TMEM135: variants seen among roughly 807,000 people sequenced by gnomAD.
TMEM135 encodes peroxisomal membrane protein 52.
A neutral mutation model predicts 60.3 loss-of-function variants in TMEM135; 30 were observed. The ratio of observed to expected loss-of-function variants is 0.50; its 90% CI spans 0.37 to 0.68. TMEM135 has a LOEUF of 0.68. Among genes scored for constraint, TMEM135 ranks in the 30% least tolerant of loss-of-function variants. TMEM135 has a pLI of 0.00. For synonymous variants in TMEM135, 190 were observed against 186.7 expected, an observed-to-expected ratio of 1.02 and a Z score of -0.14; for missense variants, 468 against 548.8, an observed-to-expected ratio of 0.85 and a Z score of 1.47.
intron 6 of TMEM135, among the ~76,000 whole-genome samples, chr11:87,281,169 C>T (rs1942053568): frequency 1.3e-5 from 2 of 152,082 alleles, no homozygotes; most frequent in African/African-American, 4.8e-5. Context: ...GTAAAATAAA[C>T]AAATTTCTTT....
intron 4 of TMEM135, among the ~76,000 whole-genome samples, chr11:87,122,437 A>ATTTTTATTTATTTATTTATTTATTTATT (rs765586434): frequency 1.1e-3 from 161 of 144,946 alleles, no homozygotes; most frequent in East Asian, 2.8e-3. Flanking sequence ...TTTAGTTTTT[A>ATTTTTATTTATTTATTTATTTATTTATT]TATTTATTTA....
At chr11:87,199,175 C>T (rs1940037035) in intron 5 of TMEM135, among the ~76,000 whole-genome samples, 1 of 152,162 alleles carries the variant, frequency 6.6e-6, no homozygotes, top group African/African-American at 2.4e-5. Flanking sequence ...GCCTGGCCAA[C>T]ATGGTGAAAC....
intron 4 of TMEM135, among the ~76,000 whole-genome samples, chr11:87,155,389 T>G (rs959214491): frequency 1.3e-5 from 2 of 152,266 alleles, no homozygotes; most frequent in African/African-American, 4.8e-5. Context: ...TTATGTTTTC[T>G]TTTAAGATTT....
intron 5 of TMEM135, among the ~76,000 whole-genome samples, chr11:87,231,251 A>G (rs991534383): frequency 6.6e-6 from 1 of 152,136 alleles, no homozygotes; most frequent in African/African-American, 2.4e-5. Context: ...ATTACTGAGT[A>G]GGGCTTACAT....
At chr11:87,317,894 C>T (rs1349999260) in intron 12 of TMEM135, among the ~76,000 whole-genome samples, 5 of 152,008 alleles carry the variant, frequency 3.3e-5, no homozygotes, top group Non-Finnish European at 5.9e-5. Flanking sequence ...ATTTAAAAAG[C>T]AGAAATAAAA....
intron 4 of TMEM135, among the ~76,000 whole-genome samples, chr11:87,115,119 T>C (rs575993571): frequency 3.2e-4 from 49 of 152,300 alleles, no homozygotes; most frequent in African/African-American, 1.1e-3. Context: ...GTATAATGTA[T>C]AGTGTAGATT....
chr11:87,171,320 G>T (rs1326984057), intron 5 of TMEM135, among the ~76,000 whole-genome samples: 3 of 147,060 alleles, frequency 2.0e-5, no homozygotes, highest in Non-Finnish European at 3.0e-5. Context: ...AGGTATTTCA[G>T]GTTCAAGACA....
At chr11:87,099,426 G>A (rs751232980) in intron 4 of TMEM135, among the ~76,000 whole-genome samples, 10 of 151,816 alleles carry the variant, frequency 6.6e-5, no homozygotes, top group South Asian at 2.1e-4. Flanking sequence ...GTAGCATATC[G>A]CAAAACTATA....
chr11:87,192,934 G>A (rs1019642478), intron 5 of TMEM135, among the ~76,000 whole-genome samples: 1 of 152,046 alleles, frequency 6.6e-6, no homozygotes, highest in African/African-American at 2.4e-5. Flanking sequence ...GGCCAACATG[G>A]GAAAACCCCG....
rs200502820 is a variant in TMEM135, at chr11:87,321,092, C to A, written c.1245-109C>A. On this transcript the variant is annotated intron_variant, in intron 14 of 14. Coordinates refer to ENST00000305494, the MANE Select transcript of TMEM135 (RefSeq NM_022918.4). ...GCCATTGAATTTAGATCCTTTGCCA[C>A]GTTAGCCTTTTCTGTTTTCCCATCC... 2.3e-5 allele frequency: 23 copies of A among 991,556 alleles called. No homozygotes were observed. In the East Asian group the frequency reaches 5.6e-4, roughly 24 times the overall value. 61.4% of individuals were successfully genotyped at this position (991,556 alleles called of 1,614,324 possible).
intron 5 of TMEM135, among the ~76,000 whole-genome samples, chr11:87,181,738 A>G (rs1939520075): frequency 6.6e-6 from 1 of 152,138 alleles, no homozygotes; most frequent in Admixed American, 6.5e-5. Flanking sequence ...TTTTATTGTA[A>G]TTAAAATATT....
At chr11:87,045,015 G>C (rs111809154) in intron 1 of TMEM135, among the ~76,000 whole-genome samples, 23,309 of 151,596 alleles carry the variant, frequency 0.15, 1,915 homozygotes, top group Non-Finnish European at 0.17. Flanking sequence ...GACGTTTTGA[G>C]TTTGTTGAAG....
rs527788379 is a variant in TMEM135, at chr11:87,247,207, C to G, written c.509+10523C>G. ...TGAATGCTGATGTCTGATCGTTCCTCTGGAAGTTTTGTCTCAGAGGAGTAC... is the reference window on the plus strand; with the variant it reads ...TGAATGCTGATGTCTGATCGTTCCTGTGGAAGTTTTGTCTCAGAGGAGTAC... On this transcript the variant is annotated intron_variant, in intron 6 of 14. Coordinates refer to ENST00000305494, the MANE Select transcript of TMEM135 (RefSeq NM_022918.4). Among the ~76,000 whole-genome samples the G allele has an allele frequency of 5.3e-5, 8 of 152,242 alleles. No homozygotes were observed. In the East Asian group the frequency reaches 1.5e-3, roughly 29 times the overall value.
intron 5 of TMEM135, among the ~76,000 whole-genome samples, chr11:87,192,666 A>C (rs1939837533): frequency 6.6e-6 from 1 of 151,776 alleles, no homozygotes; most frequent in African/African-American, 2.4e-5. Context: ...AATAAGCTTT[A>C]TTCCATGTAA....
intron 3 of TMEM135, among the ~76,000 whole-genome samples, chr11:87,079,300 C>T (rs1856937409): frequency 6.6e-6 from 1 of 152,214 alleles, no homozygotes; most frequent in South Asian, 2.1e-4. Flanking sequence ...GCCACTGCGC[C>T]TGGCCATGTT....
At position 87,324,809 on chromosome 11, in the gene TMEM135, C is replaced by A. The variant is rs756667695; in HGVS notation, c.*3476C>A. The stretch of plus-strand genomic sequence containing the variant: ...TTTGTTTCCCAAAGGCAAAAGTATA[C>A]ATTTCTTACTAAGATATCTTATAAA... On this transcript the variant is annotated 3_prime_UTR_variant, in exon 15 of 15. Coordinates refer to ENST00000305494, the MANE Select transcript of TMEM135 (RefSeq NM_022918.4). 2.2e-6 allele frequency: 1 copy of A among 453,906 alleles called. No individual in the cohort carries two copies. The highest frequency in any genetic ancestry group is 1.6e-5 in the South Asian group (1 of 64,462). 28.1% of individuals were successfully genotyped at this position (453,906 alleles called of 1,614,324 possible).
chr11:87,237,694 CTT>C (rs1223795672), intron 6 of TMEM135, among the ~76,000 whole-genome samples: 1 of 151,876 alleles, frequency 6.6e-6, no homozygotes, highest in Non-Finnish European at 1.5e-5. Context: ...AATTTACACT[CTT>C]AGTTATTTAA....
chr11:87,246,719 T>G (rs868240946), intron 6 of TMEM135, among the ~76,000 whole-genome samples: 2 of 138,632 alleles, frequency 1.4e-5, no homozygotes, highest in Middle Eastern at 7.0e-3. Flanking sequence ...CTTTAAGCAC[T>G]TCTCTGTATT....
intron 5 of TMEM135, among the ~76,000 whole-genome samples, chr11:87,227,221 AATATTAT>A (rs1394746081): frequency 5.9e-5 from 9 of 151,822 alleles, no homozygotes; most frequent in Non-Finnish European, 1.2e-4. Context: ...ATATTATTAT[AATATTAT>A]ATATTAGTTA....
Sources: allele counts gnomAD v4.1 joint callset (sites outside exome capture counted in the v4.1 genomes callset), GRCh38; gene constraint gnomAD v4.1.1; transcripts MANE v1.5; gene names NCBI Gene and HGNC (gene_info 2026-07-23, HGNC 2026-07-21).